Variants in ACAP2 observed in about 807,000 individuals in gnomAD.
ACAP2 encodes the protein arf-GAP with coiled-coil, ANK repeat and PH domain-containing protein 2.
ACAP2 carries 39 observed loss-of-function variants against 115.8 expected under a neutral mutation model. The ratio of observed to expected loss-of-function variants is 0.34; its 90% confidence interval spans 0.26 to 0.44. The LOEUF (loss-of-function observed/expected upper bound fraction) is 0.44, where lower values mean the gene tolerates loss of function less well. ACAP2 is among the 20% of genes least tolerant of loss of function. ACAP2 has a pLI of 1.00. For synonymous variants in ACAP2, 289 were observed against 315.8 expected (o/e 0.92, Z 0.90); for missense variants, 662 against 927.6 (o/e 0.71, Z 3.72).
chr3:195,442,972 G>C lies in ACAP2; in HGVS notation c.-125C>G. On this transcript the variant is annotated 5_prime_UTR_variant, in exon 1 of 23. Coordinates refer to ENST00000326793, the MANE Select transcript of ACAP2 (RefSeq NM_012287.6). ...AGCGTTGCGCGGAGCTGCGAAGGGC[G>C]CCTCGCCCGCTGGTCATAGCAGCCG... 1 of 835,640 alleles carries C rather than the reference G, an allele frequency of 1.2e-6. No individual in the cohort carries two copies. The highest frequency in any genetic ancestry group is 1.7e-6 in the Non-Finnish European group (1 of 578,884). 51.8% of individuals were successfully genotyped at this position (835,640 alleles called of 1,614,324 possible). A position where few individuals can be genotyped will look rare whatever the true frequency, so the allele number is the denominator to read the frequency against.
intron 1 of ACAP2, among the ~76,000 whole-genome samples, chr3:195,426,875 A>T (rs1714723727): frequency 6.6e-6 from 1 of 152,192 alleles, no homozygotes; most frequent in Admixed American, 6.5e-5. Context: ...CATGTGGAAT[A>T]GAGGTGAATT....
At position 195,300,335 on chromosome 3, in the gene ACAP2, G is replaced by A. The variant is rs548813492; in HGVS notation, c.1395+1240C>T. Among the ~76,000 whole-genome samples, 7 of 152,122 alleles carry A rather than the reference G, an allele frequency of 4.6e-5. No individual in the cohort carries two copies. The South Asian group carries it at 1.2e-3, about 27-fold the overall frequency. The stretch of plus-strand genomic sequence containing the variant: ...GCTGGGATTACAGGCATGAGCCACC[G>A]CACCCGGCCACAGGATTTCAGACAG... On this transcript the variant is annotated intron_variant, in intron 15 of 22. Coordinates refer to ENST00000326793, the MANE Select transcript of ACAP2 (RefSeq NM_012287.6).
chr3:195,364,570 CAAATAAAT>C (rs899551247), intron 4 of ACAP2, among the ~76,000 whole-genome samples: 3 of 151,144 alleles, frequency 2.0e-5, no homozygotes, highest in African/African-American at 4.9e-5. Flanking sequence ...GACTCTGTCT[CAAATAAAT>C]AAATAAATAA....
chr3:195,336,811 T>C, intron 7 of ACAP2, 121 bp downstream of exon 7: 7 of 792,692 alleles, frequency 8.8e-6, no homozygotes, highest in Non-Finnish European at 1.4e-5. Context: ...CAAATGAAGA[T>C]CAAAAAGAAG....
intron 19 of ACAP2, 30 bp downstream of exon 19, chr3:195,292,235 T>C (rs1410203771): frequency 1.3e-6 from 2 of 1,529,346 alleles, no homozygotes; most frequent in Admixed American, 2.4e-5. Context: ...ATTTGATTGC[T>C]ACTGAAAATG....
chr3:195,281,868 T>C (rs1325127118), intron 22 of ACAP2, among the ~76,000 whole-genome samples: 3 of 152,358 alleles, frequency 2.0e-5, no homozygotes, highest in Non-Finnish European at 4.4e-5. Context: ...ATTGTAAACA[T>C]TATAAATATT....
At chr3:195,338,662 A>T (rs770222886) in intron 6 of ACAP2, among the ~76,000 whole-genome samples, 1 of 152,190 alleles carries the variant, frequency 6.6e-6, no homozygotes, top group Non-Finnish European at 1.5e-5. Flanking sequence ...ATTTACTGAA[A>T]GATCAATAAA....
chr3:195,332,423 T>C (rs1281542965), intron 8 of ACAP2, among the ~76,000 whole-genome samples: 1 of 152,200 alleles, frequency 6.6e-6, no homozygotes, highest in African/African-American at 2.4e-5. Context: ...TACCTTCACA[T>C]GCAAACTATA....
intron 22 of ACAP2, among the ~76,000 whole-genome samples, chr3:195,281,162 T>C (rs1726476054): frequency 6.6e-6 from 1 of 152,090 alleles, no homozygotes; most frequent in African/African-American, 2.4e-5. Context: ...TCCCAGCACT[T>C]TGAGAGGCCG....
chr3:195,310,302 G>A (rs1331679303), intron 10 of ACAP2, among the ~76,000 whole-genome samples: 3 of 152,130 alleles, frequency 2.0e-5, no homozygotes, highest in African/African-American at 7.2e-5. Flanking sequence ...TAGATAAAAT[G>A]AGCTGGGTTG....
intron 2 of ACAP2, among the ~76,000 whole-genome samples, chr3:195,391,333 G>A (rs888820203): frequency 9.3e-5 from 14 of 150,438 alleles, no homozygotes; most frequent in African/African-American, 2.2e-4. Context: ...CAGCTCAAGC[G>A]ATTCTCCTGC....
chr3:195,283,366 T>A (rs1045385713), intron 22 of ACAP2, among the ~76,000 whole-genome samples: 1 of 152,170 alleles, frequency 6.6e-6, no homozygotes, highest in African/African-American at 2.4e-5. Flanking sequence ...AGATAGAAAG[T>A]TCACAAGTGG....
intron 4 of ACAP2, among the ~76,000 whole-genome samples, chr3:195,359,219 G>A (rs541649040): frequency 1.3e-5 from 2 of 152,300 alleles, no homozygotes; most frequent in Middle Eastern, 6.8e-3. Context: ...GGAGATTAAT[G>A]AGCAAGAAGA....
chr3:195,389,174 C>T (rs767546546), intron 2 of ACAP2, among the ~76,000 whole-genome samples: 6 of 152,146 alleles, frequency 3.9e-5, no homozygotes, highest in East Asian at 1.9e-4. Context: ...TTGGGTAAGA[C>T]AGACTCTAGA....
At chr3:195,282,581 T>G (rs1418937205) in intron 22 of ACAP2, 1 of 152,228 alleles carries the variant, frequency 6.6e-6, no homozygotes, top group Non-Finnish European at 1.5e-5. Flanking sequence ...TAATTTTGAT[T>G]ACTTAGAATT....
At chr3:195,357,426 T>C (rs1732049350) in intron 4 of ACAP2, among the ~76,000 whole-genome samples, 1 of 152,140 alleles carries the variant, frequency 6.6e-6, no homozygotes, top group African/African-American at 2.4e-5. Context: ...TACACAAGAA[T>C]GACTAGCTTC....
chr3:195,385,388 T>TA (rs57423683), intron 2 of ACAP2, among the ~76,000 whole-genome samples: 28,337 of 113,750 alleles, frequency 0.25, 3,000 homozygotes, highest in Admixed American at 0.35. Flanking sequence ...ACAAACTTAG[T>TA]AAAAAAAAAA....
chr3:195,437,267 T>C (rs911929219), intron 1 of ACAP2, among the ~76,000 whole-genome samples: 5 of 151,902 alleles, frequency 3.3e-5, no homozygotes, highest in Non-Finnish European at 5.9e-5. Context: ...GATTTCAAAC[T>C]CCTGGCCTCA....
intron 1 of ACAP2, among the ~76,000 whole-genome samples, chr3:195,408,275 C>T (rs1405351410): frequency 6.6e-6 from 1 of 152,062 alleles, no homozygotes; most frequent in East Asian, 1.9e-4. Context: ...CCAGTCTGGG[C>T]AACACGGCGA....
Sources: allele counts gnomAD v4.1 joint callset (sites outside exome capture counted in the v4.1 genomes callset), GRCh38; gene constraint gnomAD v4.1.1; transcripts MANE v1.5; gene names NCBI Gene and HGNC (gene_info 2026-07-23, HGNC 2026-07-21).